The following SV2B variants were observed in gnomAD, a reference collection of about 807,000 sequenced individuals.
SV2B encodes synaptic vesicle glycoprotein 2B.
Under a neutral mutation model 73.9 loss-of-function variants are expected in SV2B, and 41 were observed. The observed-to-expected ratio is 0.56, with a 90% CI of 0.43 to 0.72. The LOEUF is 0.72. SV2B is among the 30% of genes least tolerant of loss of function. The pLI, the probability that SV2B is intolerant of heterozygous loss-of-function variation, is 0.00. For synonymous variants in SV2B, 314 were observed against 314.2 expected (o/e 1.00, Z 0.01); for missense variants, 764 against 857.8 (o/e 0.89, Z 1.37).
At chr15:91,182,350 A>T (rs2044611754) in intron 1 of SV2B, among the ~76,000 whole-genome samples, 1 of 152,244 alleles carries the variant, frequency 6.6e-6, no homozygotes, top group African/African-American at 2.4e-5. Flanking sequence ...TGTGGCTGGC[A>T]CATAGCAAGT....
intron 1 of SV2B, among the ~76,000 whole-genome samples, chr15:91,183,123 G>A (rs1052847770): frequency 6.6e-6 from 1 of 152,196 alleles, no homozygotes; most frequent in Non-Finnish European, 1.5e-5. Context: ...GATTAACATG[G>A]GGACTTAACG....
chr15:91,282,563 A>G (rs2048717438), intron 10 of SV2B, among the ~76,000 whole-genome samples: 1 of 152,110 alleles, frequency 6.6e-6, no homozygotes, highest in Non-Finnish European at 1.5e-5. Flanking sequence ...TCCTTCTCTT[A>G]TAGCTAAGGA....
intron 1 of SV2B, among the ~76,000 whole-genome samples, chr15:91,143,232 G>T (rs573543765): frequency 6.6e-6 from 1 of 152,296 alleles, no homozygotes; most frequent in Non-Finnish European, 1.5e-5. Context: ...CATAAGAACC[G>T]CTTGGGGGAA....
In SV2B at chr15:91,220,382, T is replaced by C. The variant is rs1034759792; in HGVS notation, c.-391-5491T>C. 5.9e-5 allele frequency among the ~76,000 whole-genome samples: 9 copies of C among 152,228 alleles called. No homozygotes were observed. Among genetic ancestry groups the C allele is most frequent in the African/African-American group, 2.2e-4 (9 of 41,462 alleles). ...ATAGCCTTTAATATAGCAATGTGCA[T>C]TGTGCATTTCTGAAAGAGAATAGTG... On this transcript the variant is annotated intron_variant, in intron 1 of 12. Coordinates refer to ENST00000394232, the MANE Select transcript of SV2B (RefSeq NM_001323032.3). The surrounding 1 kb of genome is among the most constrained non-coding windows in gnomAD (Gnocchi z 4.1).
Position 91,265,319 on chromosome 15 carries a change from C to T in SV2B, c.1009-1263C>T, listed in dbSNP as rs976488951. Among the ~76,000 whole-genome samples, 5 of 152,172 alleles carry T rather than the reference C, an allele frequency of 3.3e-5. No homozygotes were observed. Among genetic ancestry groups the T allele is most frequent in the Non-Finnish European group, 5.9e-5 (4 of 68,026 alleles). ...AGGAGTTGAAGCATTCGGCTGAGAA[C>T]CCACGATCTGCAGGGCTGGGGGAAC... On this transcript the variant is annotated intron_variant, in intron 6 of 12. Transcript: ENST00000394232. The surrounding 1 kb of genome is among the most constrained non-coding windows in gnomAD (Gnocchi z 4.2).
At chr15:91,251,775 T>C in intron 2 of SV2B, 44 bp from the exon 3 acceptor site, 1 of 1,577,366 alleles carries the variant, frequency 6.3e-7, no homozygotes, top group South Asian at 1.1e-5. Context: ...TCTTAATCTT[T>C]TGTCTTTTCT....
intron 1 of SV2B, among the ~76,000 whole-genome samples, chr15:91,163,008 G>A (rs1395080905): frequency 6.6e-6 from 1 of 151,662 alleles, no homozygotes; most frequent in Non-Finnish European, 1.5e-5. Flanking sequence ...GTGAGAACAT[G>A]CGGTGTTTGG....
intron 2 of SV2B, among the ~76,000 whole-genome samples, chr15:91,230,323 G>A (rs1295237234): frequency 2.0e-5 from 3 of 151,738 alleles, no homozygotes; most frequent in Non-Finnish European, 2.9e-5. Context: ...CCTACTTGAT[G>A]GCCCAGGAAA....
chr15:91,101,533 C>T (rs2041724189), intron 1 of SV2B, among the ~76,000 whole-genome samples: 1 of 152,068 alleles, frequency 6.6e-6, no homozygotes, highest in African/African-American at 2.4e-5. Context: ...GGGGGAGAAG[C>T]ACTCGTAATC....
chr15:91,266,972 CATT>C (rs2048127692), intron 7 of SV2B: 2 of 286,530 alleles, frequency 7.0e-6, no homozygotes, highest in Non-Finnish European at 1.3e-5. Context: ...TCTGAGTAAA[CATT>C]ATTCTCTCTA....
chr15:91,215,944 TTG>T (rs2046010534), intron 1 of SV2B, among the ~76,000 whole-genome samples: 1 of 152,242 alleles, frequency 6.6e-6, no homozygotes, highest in African/African-American at 2.4e-5. Flanking sequence ...TTTAAAGTAT[TTG>T]TTTTTTTCTC....
At position 91,226,304 on chromosome 15, in the gene SV2B, C is replaced by A. The variant is rs774267988; in HGVS notation, c.41C>A (p.Ala14Asp). The A allele has an allele frequency of 6.2e-7, 1 of 1,614,150 alleles. No individual in the cohort carries two copies. The highest frequency in any genetic ancestry group is 8.5e-7 in the Non-Finnish European group (1 of 1,180,034). ...TATCAGGACAATTATGGGGGCTATG[C>A]TCCCAGTGATGGCTATTACCGCGGC... is the stretch of plus-strand genomic sequence containing the variant. ...YKYQDNYGGY[A>D]PSDGYYRGNE... is the part of the protein sequence containing the mutation. The change falls in exon 2 of 13, where the codon GCT (alanine) becomes GAT (aspartate). Residue 14 changes from alanine (A) to aspartate (D), a missense_variant. By Grantham distance (126) the Ala-to-Asp change is moderately radical. Transcript: ENST00000394232.
At chr15:91,188,198 A>G (rs1567327236) in intron 1 of SV2B, among the ~76,000 whole-genome samples, 1 of 152,118 alleles carries the variant, frequency 6.6e-6, no homozygotes, top group East Asian at 1.9e-4. Context: ...AGGCCTAAAA[A>G]GAACCCAAGA....
Position 91,281,846 on chromosome 15 carries a change from A to G in SV2B, c.1492A>G (p.Ile498Val), listed in dbSNP as rs773366161. 1 of 1,611,888 alleles carries G rather than the reference A, an allele frequency of 6.2e-7. No homozygotes were observed. Among genetic ancestry groups the G allele is most frequent in the Non-Finnish European group, 8.5e-7 (1 of 1,178,892 alleles). The change falls in exon 10 of 13, where the codon ATC becomes GTC. Residue 498 changes from isoleucine (I) to valine (V), a missense_variant. By Grantham distance (29) the Ile-to-Val change is conservative. Transcript: ENST00000394232. The surrounding 1 kb of genome is among the most constrained non-coding windows in gnomAD (Gnocchi z 4.7). Reference protein sequence around the residue: ...YFKNCTIESTIFYNTDLYEHK... With the variant: ...YFKNCTIESTVFYNTDLYEHK... Reference sequence around the variant, plus strand: ...CAAAAATTGTACCATTGAATCAACCATCTTTTACAACACAGGTAGGTAAGA... The same window carrying G: ...CAAAAATTGTACCATTGAATCAACCGTCTTTTACAACACAGGTAGGTAAGA...
In SV2B at chr15:91,288,643, TTCTC is replaced by T. The variant is rs369783225; in HGVS notation, c.1709-865_1709-862del. Among the ~76,000 whole-genome samples, 4 of 151,228 alleles carry T rather than the reference TTCTC, an allele frequency of 2.6e-5. No individual in the cohort carries two copies. The highest frequency in any genetic ancestry group is 2.4e-5 in the African/African-American group (1 of 41,166). ...CTCTCTCTCTTTCTCTCTTCTTTCT[TTCTC>T]TCTCTCTCTCTCCTTCCTTCCTTCC... On this transcript the variant is annotated intron_variant, in intron 11 of 12. Coordinates refer to ENST00000394232, the MANE Select transcript of SV2B (RefSeq NM_001323032.3). This position sits in a 1 kb window ranked among gnomAD's most constrained non-coding sequence, Gnocchi z 5.8.
intron 1 of SV2B, among the ~76,000 whole-genome samples, chr15:91,103,478 T>C (rs1228038329): frequency 6.6e-6 from 1 of 152,258 alleles, no homozygotes; most frequent in East Asian, 1.9e-4. Flanking sequence ...GGAAATATGC[T>C]GACCTTCAGT....
At chr15:91,193,471 G>A (rs572028491) in intron 1 of SV2B, among the ~76,000 whole-genome samples, 20 of 152,250 alleles carry the variant, frequency 1.3e-4, no homozygotes, top group East Asian at 7.7e-4. Context: ...GATCCAGACC[G>A]TCTGTGCTTC....
Position 91,176,353 on chromosome 15 carries a change from A to T in SV2B, c.-391-49520A>T, listed in dbSNP as rs574535550. ...GTGAATAGTGCCGCAATAAACATAC[A>T]TGTGCATGTGTCTTTATAGCAGCAT... On this transcript the variant is annotated intron_variant, in intron 1 of 12. Coordinates refer to ENST00000394232, the MANE Select transcript of SV2B (RefSeq NM_001323032.3). Among the ~76,000 whole-genome samples, 1,288 of 151,604 alleles carry T rather than the reference A, an allele frequency of 8.5e-3. 14 individuals carry two copies. The highest frequency in any genetic ancestry group is 0.029 in the African/African-American group (1,196 of 41,250).
At chr15:91,108,147 A>T (rs1031520119) in intron 1 of SV2B, among the ~76,000 whole-genome samples, 3 of 152,192 alleles carry the variant, frequency 2.0e-5, no homozygotes, top group Non-Finnish European at 4.4e-5. Context: ...TAAAGATTTT[A>T]TGTGAAGGGA....
Sources: allele counts gnomAD v4.1 joint callset (sites outside exome capture counted in the v4.1 genomes callset), GRCh38; gene constraint gnomAD v4.1.1; non-coding constraint Gnocchi (gnomAD v3.1); transcripts MANE v1.5; gene names NCBI Gene and HGNC (gene_info 2026-07-23, HGNC 2026-07-21).